Variants in DHX8 observed in about 807,000 individuals in gnomAD.
DHX8 encodes the protein ATP-dependent RNA helicase DHX8.
DHX8 carries 67 observed loss-of-function variants against 140.7 expected under a neutral mutation model. That is an observed-to-expected ratio of 0.48 (90% CI 0.39 to 0.58). The LOEUF (loss-of-function observed/expected upper bound fraction) is 0.58, where lower values mean the gene tolerates loss of function less well. Among genes scored for constraint, DHX8 ranks in the 20% least tolerant of loss-of-function variants. DHX8 has a pLI of 0.00. For missense variants in DHX8, 887 were observed against 1,550.7 expected (o/e 0.57, Z 7.19); for synonymous variants, 533 against 553.2 (o/e 0.96, Z 0.51).
At position 43,490,430 on chromosome 17, in the gene DHX8, A is replaced by C; in HGVS notation, c.274A>C (p.Met92Leu). 2 of 1,613,910 alleles carry C rather than the reference A, an allele frequency of 1.2e-6. No homozygotes were observed. Among genetic ancestry groups the C allele is most frequent in the Non-Finnish European group, 1.7e-6 (2 of 1,179,966 alleles). ...TAACTTGCTGCGTCTCATACAAACC[A>C]TGCGGCCTCCAGCGAAGCCTTCCAC... ...ISNLLRLIQT[M>L]RPPAKPSTSK... Residue 92 changes from methionine to leucine, a missense_variant, in exon 3 of 23, where the codon ATG (methionine) becomes CTG (leucine). Coordinates refer to ENST00000262415, the MANE Select transcript of DHX8 (RefSeq NM_004941.3).
chr17:43,532,804 T>C (rs747162285), intron 2 of DHX8: 2 of 1,613,916 alleles, frequency 1.2e-6, no homozygotes, highest in East Asian at 4.5e-5. Context: ...CATGGTATTC[T>C]TGCTTAAAGC....
chr17:43,507,794 A>T lies in DHX8; in HGVS notation c.2110-15A>T. 1.2e-6 allele frequency: 2 copies of T among 1,614,132 alleles called. No individual in the cohort carries two copies. The highest frequency in any genetic ancestry group is 1.7e-5 in the Admixed American group (1 of 60,010). ...GGTAGTCCTTTTCAGTAAGCCACAT[A>T]ATATTTCTCTTCAGACAGTTCAGAA... On this transcript the variant is annotated splice_polypyrimidine_tract_variant and intron_variant, in intron 14 of 22. Transcript: ENST00000262415.
Position 43,489,429 on chromosome 17 carries a change from A to G in DHX8, c.149-20A>G, listed in dbSNP as rs767221846. 3 of 1,552,324 alleles carry G rather than the reference A, an allele frequency of 1.9e-6. No homozygotes were observed. Among genetic ancestry groups the G allele is most frequent in the Admixed American group, 1.7e-5 (1 of 57,554 alleles). The stretch of plus-strand genomic sequence containing the variant: ...CTTGTTCATGTCTCTTCTTTTCTGA[A>G]TTCTGTTTCTTATTTGCAGCTGAAT... On this transcript the variant is annotated intron_variant, in intron 1 of 22. Transcript: ENST00000262415.
At chr17:43,497,637 C>T (rs2154586491) in intron 9 of DHX8, among the ~76,000 whole-genome samples, 1 of 152,108 alleles carries the variant, frequency 6.6e-6, no homozygotes, top group South Asian at 2.1e-4. Flanking sequence ...TGCCTGTACT[C>T]CCAGCCACTG....
At chr17:43,543,394 A>G (rs1387174716) in intron 3 of DHX8, among the ~76,000 whole-genome samples, 2 of 151,886 alleles carry the variant, frequency 1.3e-5, no homozygotes, top group African/African-American at 2.4e-5. Flanking sequence ...AGGTAGAGAG[A>G]TGAGAGCATT....
intron 12 of DHX8, among the ~76,000 whole-genome samples, chr17:43,505,465 A>T (rs1251479640): frequency 6.6e-6 from 1 of 151,784 alleles, no homozygotes; most frequent in Non-Finnish European, 1.5e-5. Context: ...GCTACTCGGG[A>T]GGCTGAGATA....
At chr17:43,528,580 T>G (rs754777184), downstream of DHX8, 1 of 1,613,592 alleles carries the variant, frequency 6.2e-7, no homozygotes, top group Non-Finnish European at 8.5e-7. Context: ...CTCTGGGAGG[T>G]AGGCGGGGCT....
chr17:43,527,633 C>A (rs1970655952), downstream of DHX8, among the ~76,000 whole-genome samples: 1 of 152,244 alleles, frequency 6.6e-6, no homozygotes. Flanking sequence ...TCTGGATCCT[C>A]ACACAGTAAT....
Position 43,491,148 on chromosome 17 carries a change from C to G in DHX8, c.308-17C>G. 2.9e-6 allele frequency: 4 copies of G among 1,381,078 alleles called. No homozygotes were observed. Among genetic ancestry groups the G allele is most frequent in the Non-Finnish European group, 3.9e-6 (4 of 1,019,862 alleles). The allele number at this position is 1,381,078 out of a possible 1,614,324, so 85.6% of individuals were successfully genotyped here. A position where few individuals can be genotyped will look rare whatever the true frequency, so the allele number is the denominator to read the frequency against. Reference sequence around the variant, plus strand: ...TATCTCTTTTTTTAACCCCTTCATGCTCTTTAATGAAACAAGATCCAGTTG... The same window carrying G: ...TATCTCTTTTTTTAACCCCTTCATGGTCTTTAATGAAACAAGATCCAGTTG... On this transcript the variant is annotated splice_polypyrimidine_tract_variant and intron_variant, in intron 3 of 22. Transcript: ENST00000262415.
At chr17:43,522,294 T>C in intron 22 of DHX8, 68 bp downstream of exon 22, 4 of 1,502,896 alleles carry the variant, frequency 2.7e-6, no homozygotes, top group Middle Eastern at 2.2e-4. Flanking sequence ...TTTCCTGGTA[T>C]TTTGTGATTG....
chr17:43,517,418 T>C lies in DHX8; in HGVS notation c.2799+96T>C, dbSNP rs978152245. On this transcript the variant is annotated intron_variant, in intron 18 of 22. Transcript: ENST00000262415. ...GTTTTATGAACCTTGTTAAATACTT[T>C]AGTAACCTCATGAAAGCAGTCCCTT... 5.1e-6 allele frequency: 7 copies of C among 1,384,004 alleles called. No individual in the cohort carries two copies. The African/African-American group carries it at 5.8e-5, about 11-fold the overall frequency. 85.7% of individuals were successfully genotyped at this position (1,384,004 alleles called of 1,614,324 possible). A position where few individuals can be genotyped will look rare whatever the true frequency, so the allele number is the denominator to read the frequency against.
rs1053991499 is a variant in DHX8 at position 43,524,100 on chromosome 17, A to C, written c.*253A>C. ...GGGAGCTCATATCTAACACAGAGAC[A>C]CATTGCATCAACTTCAAGAAAGGGA... is the stretch of plus-strand genomic sequence containing the variant. On this transcript the variant is annotated 3_prime_UTR_variant, in exon 23 of 23. Coordinates refer to ENST00000262415, the MANE Select transcript of DHX8 (RefSeq NM_004941.3). 3.7e-6 allele frequency: 5 copies of C among 1,338,744 alleles called. No individual in the cohort carries two copies. Among genetic ancestry groups the C allele is most frequent in the Non-Finnish European group, 4.8e-6 (5 of 1,040,668 alleles). The allele number at this position is 1,338,744 out of a possible 1,614,324, so 82.9% of individuals were successfully genotyped here.
rs780180578 is a variant in DHX8, at chr17:43,492,233, A to G, written c.444A>G (p.Glu148=). The G allele has an allele frequency of 3.1e-6, 5 of 1,614,162 alleles. No homozygotes were observed. Among genetic ancestry groups the G allele is most frequent in the Non-Finnish European group, 4.2e-6 (5 of 1,180,006 alleles). ...AAGTTGCTGTGGATGTCCTGAAAGAACTGGAAGCTTTAATGCCCAGCGCAG... is the reference window on the plus strand; with the variant it reads ...AAGTTGCTGTGGATGTCCTGAAAGAGCTGGAAGCTTTAATGCCCAGCGCAG... The part of the protein sequence containing the change: ...DVKVAVDVLK[E]LEALMPSAAG... Residue 148 remains glutamate, a synonymous_variant, in exon 5 of 23, where the codon GAA becomes GAG. Transcript: ENST00000262415.
intron 12 of DHX8, among the ~76,000 whole-genome samples, chr17:43,505,826 A>G (rs1343601523): frequency 2.0e-5 from 3 of 152,076 alleles, no homozygotes; most frequent in Non-Finnish European, 4.4e-5. Context: ...AATCAGGTTT[A>G]CTAGTTTCTA....
chr17:43,542,317 T>C (rs1971565898), intron 3 of DHX8, among the ~76,000 whole-genome samples: 1 of 152,294 alleles, frequency 6.6e-6, no homozygotes, highest in East Asian at 1.9e-4. Flanking sequence ...ATAGGGCTTC[T>C]GGGAATCCAC....
At position 43,493,548 on chromosome 17, in the gene DHX8, G is replaced by T; in HGVS notation, c.967G>T (p.Val323Leu). The change falls in exon 7 of 23, where the codon GTG becomes TTG. Residue 323 changes from valine to leucine, a missense_variant. Val to Leu is a conservative substitution (Grantham distance 32). Transcript: ENST00000262415. ...VSKGQRVKVKVLSFTGTKTSL... is the reference protein window; with the variant it reads ...VSKGQRVKVKLLSFTGTKTSL... ...CAAAGGCCAGAGGGTCAAAGTCAAAGTGCTGTCCTTCACTGGGACCAAGAC... is the reference window on the plus strand; with the variant it reads ...CAAAGGCCAGAGGGTCAAAGTCAAATTGCTGTCCTTCACTGGGACCAAGAC... The T allele has an allele frequency of 6.2e-7, 1 of 1,614,188 alleles. No homozygotes were observed. The highest frequency in any genetic ancestry group is 8.5e-7 in the Non-Finnish European group (1 of 1,180,024).
At position 43,536,445 on chromosome 17, in the gene DHX8, A is replaced by T. The variant is rs768185480; in HGVS notation, c.384A>T (p.Ser128=). 75 of 1,614,124 alleles carry T rather than the reference A, an allele frequency of 4.6e-5. No individual in the cohort carries two copies. The Admixed American group carries it at 1.2e-3, about 26-fold the overall frequency. Residue 128 remains serine, a synonymous_variant, in exon 3 of 4, where the codon TCA becomes TCT. Coordinates refer to the DHX8 transcript ENST00000589898. ...ACTCACGGTTTTCTGAATGGAAATC[A>T]GGAACAAACTGCTCATCACTGTCTG...
At chr17:43,528,511 G>A (rs538570019), downstream of DHX8, 40 of 1,585,512 alleles carry the variant, frequency 2.5e-5, no homozygotes, top group South Asian at 1.5e-4. Context: ...GGGAACAGCC[G>A]CTGGGGGCTA....
intron 17 of DHX8, among the ~76,000 whole-genome samples, chr17:43,515,532 GC>G (rs1351079175): frequency 2.6e-5 from 4 of 152,182 alleles, no homozygotes; most frequent in African/African-American, 9.7e-5. Context: ...CTAGATACAT[GC>G]ATTGACTTGG....
Sources: gnomAD v4.1 joint callset for allele counts (sites outside exome capture counted in the v4.1 genomes callset) on GRCh38, gnomAD v4.1.1 for gene constraint, MANE v1.5 for transcripts, NCBI Gene and HGNC (gene_info 2026-07-23, HGNC 2026-07-21) for gene names.